The following CMSS1 variants were observed in gnomAD, a reference collection of about 807,000 sequenced individuals.
The protein encoded by CMSS1 is protein CMSS1.
A neutral mutation model predicts 43.5 loss-of-function variants in CMSS1; 33 were observed. The observed-to-expected ratio is 0.76, with a 90% CI of 0.57 to 1.01. The LOEUF (loss-of-function observed/expected upper bound fraction) is 1.01. Among genes scored for constraint, CMSS1 ranks in the 50% least tolerant of loss-of-function variants. The probability of loss-of-function intolerance (pLI) is 0.00; values close to 1 mark genes in which losing one functional copy is unlikely to be tolerated. For synonymous variants in CMSS1, 115 were observed against 117.2 expected, an observed-to-expected ratio of 0.98 and a Z score of 0.12; for missense variants, 313 against 326.4, an observed-to-expected ratio of 0.96 and a Z score of 0.32.
rs542051053 is a variant in CMSS1 at position 99,857,214 on chromosome 3, T to G, written c.64+39171T>G. Among the ~76,000 whole-genome samples, 29 of 152,358 alleles carry G rather than the reference T, an allele frequency of 1.9e-4. 1 individual carries two copies. The South Asian group carries it at 6.0e-3, about 32-fold the overall frequency. ...TGCTCTAATATTTACCATGTACATG[T>G]TTTTAGGCATTTAAGAAAATGAGGT... is the stretch of plus-strand genomic sequence containing the variant. On this transcript the variant is annotated intron_variant, in intron 1 of 9. Coordinates refer to ENST00000421999, the MANE Select transcript of CMSS1 (RefSeq NM_032359.4).
At chr3:100,075,713 A>G (rs2065839239) in intron 1 of CMSS1, 1 of 152,236 alleles carries the variant, frequency 6.6e-6, no homozygotes, top group Admixed American at 6.5e-5. Context: ...ATAACTAATT[A>G]TAAAGGCAAT....
intron 1 of CMSS1, among the ~76,000 whole-genome samples, chr3:100,131,297 G>A (rs1275703588): frequency 2.6e-5 from 4 of 152,144 alleles, no homozygotes; most frequent in Admixed American, 6.5e-5. Flanking sequence ...TAATCCCCGT[G>A]CTATAGTAAT....
rs908408852 is a variant in CMSS1 at position 99,877,176 on chromosome 3, C to T, written c.64+59133C>T. Among the ~76,000 whole-genome samples the T allele has an allele frequency of 3.3e-5, 5 of 152,082 alleles. No individual in the cohort carries two copies. In the East Asian group the frequency reaches 5.8e-4, roughly 18 times the overall value. On this transcript the variant is annotated intron_variant, in intron 1 of 9. Transcript: ENST00000421999. ...ATGAATCTGCTAAATAAATTAGGGA[C>T]GTGGCATTCTTATTTGCAAGCTTCA...
chr3:100,057,388 G>A (rs1176832812), intron 1 of CMSS1, among the ~76,000 whole-genome samples: 1 of 152,124 alleles, frequency 6.6e-6, no homozygotes, highest in Non-Finnish European at 1.5e-5. Context: ...TATCATCAAG[G>A]AAAAAGGCCA....
Position 99,833,155 on chromosome 3 carries a change from G to C in CMSS1, c.64+15112G>C. Reference sequence around the variant, plus strand: ...GGAAAGCTCATTCATAGAAGAAAACGATTTTTTAATAAATGCTTAACCCAG... The same window carrying C: ...GGAAAGCTCATTCATAGAAGAAAACCATTTTTTAATAAATGCTTAACCCAG... On this transcript the variant is annotated intron_variant, in intron 1 of 9. Coordinates refer to ENST00000421999, the MANE Select transcript of CMSS1 (RefSeq NM_032359.4). 7 of 1,327,960 alleles carry C rather than the reference G, an allele frequency of 5.3e-6. No individual in the cohort carries two copies. The South Asian group carries it at 8.7e-5, about 17-fold the overall frequency. 82.3% of individuals were successfully genotyped at this position (1,327,960 alleles called of 1,614,324 possible).
chr3:100,066,201 T>A (rs1214876286), intron 1 of CMSS1, among the ~76,000 whole-genome samples: 1 of 152,222 alleles, frequency 6.6e-6, no homozygotes, highest in Non-Finnish European at 1.5e-5. Flanking sequence ...GATTTTGTTT[T>A]ACCATGTCTG....
intron 1 of CMSS1, among the ~76,000 whole-genome samples, chr3:100,132,992 T>G (rs751774471): frequency 6.6e-6 from 1 of 152,152 alleles, no homozygotes; most frequent in Non-Finnish European, 1.5e-5. Context: ...TGATGACTTA[T>G]AAATTGACCC....
intron 1 of CMSS1, among the ~76,000 whole-genome samples, chr3:100,086,615 C>G (rs868536076): frequency 5.9e-5 from 9 of 152,302 alleles, no homozygotes; most frequent in Middle Eastern, 3.4e-3. Flanking sequence ...ATGTGCCTTC[C>G]TATGAATCAT....
intron 1 of CMSS1, among the ~76,000 whole-genome samples, chr3:99,988,388 C>T (rs1453646345): frequency 6.7e-6 from 1 of 149,362 alleles, no homozygotes; most frequent in Admixed American, 6.7e-5. Context: ...TGGCATGTGC[C>T]TGTAGTCCCA....
intron 1 of CMSS1, among the ~76,000 whole-genome samples, chr3:100,109,640 C>T (rs1372558284): frequency 1.3e-5 from 2 of 152,002 alleles, no homozygotes; most frequent in African/African-American, 4.8e-5. Context: ...GAGGTTCATG[C>T]ATATTGTTGT....
Position 100,147,136 on chromosome 3 carries a change from C to G in CMSS1, c.153+75C>G, listed in dbSNP as rs150118251. ...CTTTTCCTCCTCTCTATTGAACTCC[C>G]CATGTCCTAATATCGGTTGTTGGTG... On this transcript the variant is annotated intron_variant, in intron 2 of 9. Transcript: ENST00000421999. 4.4e-5 allele frequency: 67 copies of G among 1,508,056 alleles called. No individual in the cohort carries two copies. In the African/African-American group the frequency reaches 6.9e-4, roughly 15 times the overall value. The allele number at this position is 1,508,056 out of a possible 1,614,324, so 93.4% of individuals were successfully genotyped here. A position where few individuals can be genotyped will look rare whatever the true frequency, so the allele number is the denominator to read the frequency against.
chr3:100,129,361 A>G (rs900606834), intron 1 of CMSS1, among the ~76,000 whole-genome samples: 2 of 152,220 alleles, frequency 1.3e-5, no homozygotes, highest in Non-Finnish European at 2.9e-5. Flanking sequence ...GGGAAGAAGA[A>G]GGTTGAAGGA....
At chr3:99,914,164 T>C (rs918107484) in intron 1 of CMSS1, among the ~76,000 whole-genome samples, 4 of 152,236 alleles carry the variant, frequency 2.6e-5, no homozygotes, top group African/African-American at 9.6e-5. Context: ...TGTTGTGAGC[T>C]GTTGCCAAAT....
chr3:99,993,264 T>G (rs1205950691), intron 1 of CMSS1, among the ~76,000 whole-genome samples: 1 of 152,122 alleles, frequency 6.6e-6, no homozygotes, highest in African/African-American at 2.4e-5. Flanking sequence ...TAATATTGAT[T>G]CTTCAATCTA....
At chr3:100,086,499 C>G (rs1328058817) in intron 1 of CMSS1, among the ~76,000 whole-genome samples, 1 of 152,120 alleles carries the variant, frequency 6.6e-6, no homozygotes, top group East Asian at 1.9e-4. Context: ...TACTCAAATA[C>G]TTTTTTTACA....
At chr3:99,878,872 C>T (rs1346593803) in intron 1 of CMSS1, among the ~76,000 whole-genome samples, 1 of 152,192 alleles carries the variant, frequency 6.6e-6, no homozygotes, top group African/African-American at 2.4e-5. Context: ...TTATTTCCTT[C>T]CCTCTTTCAA....
At chr3:100,099,831 A>G (rs546012445) in intron 1 of CMSS1, among the ~76,000 whole-genome samples, 1 of 152,324 alleles carries the variant, frequency 6.6e-6, no homozygotes, top group Non-Finnish European at 1.5e-5. Flanking sequence ...ATGGTAAAGT[A>G]TCATAAGTAT....
chr3:99,991,836 A>ATG (rs112596171), intron 1 of CMSS1, among the ~76,000 whole-genome samples: 114,593 of 143,356 alleles, frequency 0.8, 46,089 homozygotes, highest in East Asian at 0.94. Context: ...ATATATATAT[A>ATG]TGTGTGTGTG....
At chr3:100,019,232 C>A (rs905517155) in intron 1 of CMSS1, among the ~76,000 whole-genome samples, 1 of 152,160 alleles carries the variant, frequency 6.6e-6, no homozygotes, top group African/African-American at 2.4e-5. Context: ...TATGGTGGCA[C>A]ATGTCTAGTT....
Sources: allele counts gnomAD v4.1 joint callset (sites outside exome capture counted in the v4.1 genomes callset), GRCh38; gene constraint gnomAD v4.1.1; transcripts MANE v1.5; gene names NCBI Gene and HGNC (gene_info 2026-07-23, HGNC 2026-07-21).